Variants in GMDS observed in about 807,000 individuals in gnomAD.
GMDS encodes GDP-mannose 4,6 dehydratase.
A neutral mutation model predicts 49.9 loss-of-function variants in GMDS; 20 were observed. The observed-to-expected ratio is 0.40, with a 90% CI of 0.28 to 0.58. The LOEUF (loss-of-function observed/expected upper bound fraction) is 0.58, where lower values mean the gene tolerates loss of function less well. Ranked by LOEUF, GMDS falls within the 20% of genes least tolerant of loss-of-function variation. The pLI is 0.42. For missense variants in GMDS, 362 were observed against 481.4 expected (o/e 0.75, Z 2.32); for synonymous variants, 177 against 178.6 (o/e 0.99, Z 0.07).
chr6:1,926,798 C>A (rs745701485), intron 7 of GMDS, among the ~76,000 whole-genome samples: 1 of 152,178 alleles, frequency 6.6e-6, no homozygotes, highest in Non-Finnish European at 1.5e-5. Context: ...TTGTTCAGAA[C>A]ACATAAATGA....
chr6:1,908,742 G>A (rs974144692), intron 7 of GMDS, among the ~76,000 whole-genome samples: 2 of 152,156 alleles, frequency 1.3e-5, no homozygotes, highest in East Asian at 1.9e-4. Context: ...TCTTCCCTAC[G>A]GCTGTTTGCT....
intron 4 of GMDS, among the ~76,000 whole-genome samples, chr6:2,086,385 C>T (rs1390603509): frequency 2.0e-5 from 3 of 152,210 alleles, no homozygotes; most frequent in African/African-American, 7.2e-5. Context: ...AAAATTGTGG[C>T]TCACACACCT....
intron 9 of GMDS, among the ~76,000 whole-genome samples, chr6:1,686,172 T>G (rs974618910): frequency 3.3e-5 from 5 of 152,220 alleles, no homozygotes; most frequent in Non-Finnish European, 5.9e-5. Flanking sequence ...GGAGCAGAAC[T>G]GAAGCCAGTT....
chr6:1,670,648 G>C (rs1308123569), intron 9 of GMDS, among the ~76,000 whole-genome samples: 2 of 152,200 alleles, frequency 1.3e-5, no homozygotes, highest in Non-Finnish European at 2.9e-5. Context: ...ATGAGGAAAA[G>C]TTAATAGACT....
At chr6:2,205,356 C>G (rs1779760205) in intron 1 of GMDS, among the ~76,000 whole-genome samples, 1 of 152,182 alleles carries the variant, frequency 6.6e-6, no homozygotes, top group Admixed American at 6.5e-5. Context: ...TAAGTTCAAT[C>G]CTGTAGCAAA....
At chr6:2,236,239 A>G (rs1378542552) in intron 1 of GMDS, among the ~76,000 whole-genome samples, 1 of 152,200 alleles carries the variant, frequency 6.6e-6, no homozygotes, top group Non-Finnish European at 1.5e-5. Context: ...TGTTACCCAC[A>G]TGGTCTTTGA....
At position 1,879,852 on chromosome 6, in the gene GMDS, GGAT is replaced by G. The variant is rs546441864; in HGVS notation, c.771+50248_771+50250del. On this transcript the variant is annotated intron_variant, in intron 7 of 10. Coordinates refer to ENST00000380815, the MANE Select transcript of GMDS (RefSeq NM_001500.4). ...CCTCAGAGATAGTACAGCCTTTCTA[GGAT>G]GATAACATTTTTGAACCCTGATACT... 1.6e-4 allele frequency among the ~76,000 whole-genome samples: 25 copies of G among 152,160 alleles called. No individual in the cohort carries two copies. The East Asian group carries it at 4.8e-3, about 29-fold the overall frequency.
intron 1 of GMDS, among the ~76,000 whole-genome samples, chr6:2,214,864 C>T (rs1361598555): frequency 6.6e-6 from 1 of 152,122 alleles, no homozygotes; most frequent in Non-Finnish European, 1.5e-5. Context: ...GAAAAAACTA[C>T]AGAATTAGAT....
At chr6:2,003,515 A>G (rs1766963302) in intron 4 of GMDS, among the ~76,000 whole-genome samples, 1 of 152,158 alleles carries the variant, frequency 6.6e-6, no homozygotes, top group Non-Finnish European at 1.5e-5. Context: ...TGTGACAAAA[A>G]TTAAAGCAGA....
At chr6:2,002,974 T>C (rs1031533537) in intron 4 of GMDS, among the ~76,000 whole-genome samples, 16 of 152,046 alleles carry the variant, frequency 1.1e-4, no homozygotes, top group African/African-American at 3.9e-4. Context: ...TTTTTCCAAC[T>C]ACCAAAAGTC....
In GMDS at chr6:1,948,750, T is replaced by C. The variant is rs574178548; in HGVS notation, c.643+11117A>G. On this transcript the variant is annotated intron_variant, in intron 6 of 10. Coordinates refer to ENST00000380815, the MANE Select transcript of GMDS (RefSeq NM_001500.4). ...TATTTATCCATAAGCCTTTCATTCA[T>C]CATCGTCTTTTCTTGACTTTCCTAA... Among the ~76,000 whole-genome samples, 4 of 152,376 alleles carry C rather than the reference T, an allele frequency of 2.6e-5. No individual in the cohort carries two copies. The South Asian group carries it at 6.2e-4, about 24-fold the overall frequency.
chr6:1,989,718 G>A (rs185210902), intron 4 of GMDS, among the ~76,000 whole-genome samples: 30 of 152,164 alleles, frequency 2.0e-4, no homozygotes, highest in Admixed American at 2.6e-4. Context: ...GCTACCCCTC[G>A]GCCTGACCCT....
At chr6:2,175,808 T>C (rs1778256095) in intron 1 of GMDS, 1 of 630,434 alleles carries the variant, frequency 1.6e-6, no homozygotes, top group Non-Finnish European at 2.8e-6. Context: ...TATATAGCCC[T>C]TAAAACATGT....
chr6:1,659,186 C>T (rs960174611), intron 9 of GMDS, among the ~76,000 whole-genome samples: 2 of 150,448 alleles, frequency 1.3e-5, no homozygotes, highest in Non-Finnish European at 3.0e-5. Flanking sequence ...ACACTGGATG[C>T]TGTGGGCTCT....
chr6:2,070,904 T>G (rs35407549), intron 4 of GMDS, among the ~76,000 whole-genome samples: 1,775 of 152,324 alleles, frequency 0.012, 28 homozygotes, highest in Middle Eastern at 0.031. Flanking sequence ...AATTCCTGAC[T>G]GGCTCTCCTG....
intron 4 of GMDS, among the ~76,000 whole-genome samples, chr6:2,000,030 TATATC>T (rs1319704336): frequency 0.013 from 219 of 16,356 alleles, 29 homozygotes; most frequent in African/African-American, 0.032. Context: ...TATATATATC[TATATC>T]TTTTTTTTTT....
intron 7 of GMDS, among the ~76,000 whole-genome samples, chr6:1,864,431 G>A (rs1758343062): frequency 6.6e-6 from 1 of 152,110 alleles, no homozygotes; most frequent in South Asian, 2.1e-4. Context: ...AATAAAAAAT[G>A]TTAACTAGAG....
chr6:1,787,479 C>G (rs1769370034), intron 7 of GMDS, among the ~76,000 whole-genome samples: 1 of 152,160 alleles, frequency 6.6e-6, no homozygotes, highest in African/African-American at 2.4e-5. Context: ...ATGGGAATTT[C>G]ACTTACAGTA....
intron 7 of GMDS, among the ~76,000 whole-genome samples, chr6:1,884,340 G>C (rs1759499475): frequency 6.6e-6 from 1 of 152,170 alleles, no homozygotes; most frequent in Admixed American, 6.5e-5. Context: ...TTAATAAAAA[G>C]CACAAATCCC....
Sources: gnomAD v4.1 joint callset for allele counts (sites outside exome capture counted in the v4.1 genomes callset) on GRCh38, gnomAD v4.1.1 for gene constraint, MANE v1.5 for transcripts, NCBI Gene and HGNC (gene_info 2026-07-23, HGNC 2026-07-21) for gene names.